The following RIC8B variants were observed in gnomAD, a reference collection of about 807,000 sequenced individuals.
RIC8B encodes the protein RIC8 guanine nucleotide exchange factor B.
RIC8B carries 16 observed loss-of-function variants against 57.5 expected under a neutral mutation model. The observed-to-expected ratio is 0.28, with a 90% confidence interval of 0.19 to 0.42. The LOEUF (loss-of-function observed/expected upper bound fraction) is 0.42. RIC8B is among the 10% of genes least tolerant of loss of function. The pLI is 1.00. For synonymous variants in RIC8B, 216 were observed against 250.8 expected (o/e 0.86, Z 1.31); for missense variants, 481 against 677.0 (o/e 0.71, Z 3.21).
At chr12:106,814,580 A>C in intron 2 of RIC8B, 116 bp from the exon 3 acceptor site, 1 of 1,118,562 alleles carries the variant, frequency 8.9e-7, no homozygotes, top group South Asian at 1.6e-5. Flanking sequence ...AAAAAATAAT[A>C]AAAACCTTTT....
At chr12:106,850,059 G>C (rs1300191366) in intron 6 of RIC8B, among the ~76,000 whole-genome samples, 1 of 152,238 alleles carries the variant, frequency 6.6e-6, no homozygotes, top group Admixed American at 6.5e-5. Flanking sequence ...TGTCGTATCA[G>C]CTGGTGCATT....
At chr12:106,857,980 A>T (rs1949775242) in intron 7 of RIC8B, among the ~76,000 whole-genome samples, 1 of 152,218 alleles carries the variant, frequency 6.6e-6, no homozygotes, top group Admixed American at 6.5e-5. Context: ...ACTGCCTGTC[A>T]TAGAGTTAGC....
At chr12:106,827,566 G>T (rs2046164609) in intron 4 of RIC8B, among the ~76,000 whole-genome samples, 1 of 152,048 alleles carries the variant, frequency 6.6e-6, no homozygotes, top group Admixed American at 6.6e-5. Context: ...TTGCTGGTAG[G>T]TTATCTCAGT....
At chr12:106,873,329 A>G (rs1405843701) in intron 9 of RIC8B, among the ~76,000 whole-genome samples, 1 of 152,200 alleles carries the variant, frequency 6.6e-6, no homozygotes, top group Non-Finnish European at 1.5e-5. Context: ...GGCGTTTTAC[A>G]TTGTCTGCCT....
intron 2 of RIC8B, among the ~76,000 whole-genome samples, chr12:106,801,812 G>A (rs531269230): frequency 3.9e-5 from 6 of 152,294 alleles, no homozygotes; most frequent in African/African-American, 7.2e-5. Context: ...GAATAGGTCC[G>A]TCTTGTGGAA....
intron 4 of RIC8B, among the ~76,000 whole-genome samples, chr12:106,833,923 G>A (rs1430802200): frequency 6.6e-6 from 1 of 152,036 alleles, no homozygotes; most frequent in Non-Finnish European, 1.5e-5. Flanking sequence ...AAAGAACCTA[G>A]CACCTTCTCC....
intron 8 of RIC8B, among the ~76,000 whole-genome samples, chr12:106,863,140 A>G (rs904687484): frequency 2.0e-5 from 3 of 152,120 alleles, no homozygotes; most frequent in African/African-American, 4.8e-5. Flanking sequence ...CTAGACATCA[A>G]CTGAAAGATG....
chr12:106,802,900 G>A (rs569320330), intron 2 of RIC8B, among the ~76,000 whole-genome samples: 4 of 151,982 alleles, frequency 2.6e-5, no homozygotes, highest in African/African-American at 9.6e-5. Context: ...TCAAAGTAAG[G>A]AAATATCAGT....
chr12:106,802,486 A>G (rs1279235096), intron 2 of RIC8B, among the ~76,000 whole-genome samples: 2 of 151,820 alleles, frequency 1.3e-5, no homozygotes. Context: ...TTAAAGAGAA[A>G]GTGGCAGACT....
intron 2 of RIC8B, among the ~76,000 whole-genome samples, chr12:106,806,416 T>C (rs1159750797): frequency 1.3e-5 from 2 of 152,230 alleles, no homozygotes; most frequent in Admixed American, 1.3e-4. Flanking sequence ...CTAATACCTC[T>C]TTACCTCCTT....
At chr12:106,791,958 G>A (rs550661793) in intron 2 of RIC8B, among the ~76,000 whole-genome samples, 7 of 152,082 alleles carry the variant, frequency 4.6e-5, no homozygotes, top group African/African-American at 1.4e-4. Context: ...TCACACTCCA[G>A]TTTTTACTAA....
At chr12:106,851,705 GTC>G (rs1226643283) in intron 7 of RIC8B, 111 bp downstream of exon 7, 1 of 938,316 alleles carries the variant, frequency 1.1e-6, no homozygotes, top group African/African-American at 1.7e-5. Context: ...AAAGCTTACT[GTC>G]TGTTCTATTA....
chr12:106,845,328 C>CT (rs1566125519), intron 6 of RIC8B, among the ~76,000 whole-genome samples: 1 of 151,596 alleles, frequency 6.6e-6, no homozygotes, highest in African/African-American at 2.4e-5. Flanking sequence ...TATTTCACAG[C>CT]TTTTCTTCAC....
At chr12:106,871,765 T>C (rs1950442126) in intron 9 of RIC8B, among the ~76,000 whole-genome samples, 1 of 152,142 alleles carries the variant, frequency 6.6e-6, no homozygotes, top group African/African-American at 2.4e-5. Context: ...GGCCATCCCC[T>C]TTTTCACAGT....
intron 2 of RIC8B, among the ~76,000 whole-genome samples, chr12:106,806,557 C>T (rs1031223269): frequency 3.9e-5 from 6 of 152,198 alleles, no homozygotes; most frequent in Non-Finnish European, 7.4e-5. Context: ...TTATTGCCGG[C>T]GCAATGGCTC....
chr12:106,791,712 T>G (rs1017874784), intron 2 of RIC8B, among the ~76,000 whole-genome samples: 1 of 152,260 alleles, frequency 6.6e-6, no homozygotes, highest in African/African-American at 2.4e-5. Context: ...GCTCCTAAGT[T>G]GGCTTTTTGT....
chr12:106,853,650 G>A (rs1949587912), intron 7 of RIC8B, among the ~76,000 whole-genome samples: 1 of 151,334 alleles, frequency 6.6e-6, no homozygotes, highest in Non-Finnish European at 1.5e-5. Context: ...TGTATTTTTA[G>A]TAGAGATGGG....
At chr12:106,851,315 CTTTT>C (rs34606963) in intron 6 of RIC8B, 131 bp from the exon 7 acceptor site, 1,439 of 211,188 alleles carry the variant, frequency 6.8e-3, no homozygotes, top group East Asian at 0.013. Context: ...GGAAGCTAAC[CTTTT>C]TTTTTTTTTT....
intron 7 of RIC8B, among the ~76,000 whole-genome samples, chr12:106,858,606 C>T (rs1032453893): frequency 6.6e-6 from 1 of 151,964 alleles, no homozygotes; most frequent in African/African-American, 2.4e-5. Flanking sequence ...AGGGCTTACC[C>T]CACCCTCATT....
Sources: allele counts gnomAD v4.1 joint callset (sites outside exome capture counted in the v4.1 genomes callset), GRCh38; gene constraint gnomAD v4.1.1; transcripts MANE v1.5; gene names NCBI Gene and HGNC (gene_info 2026-07-23, HGNC 2026-07-21).